The following RABGAP1L variants were observed in gnomAD, a reference collection of about 807,000 sequenced individuals.
RABGAP1L encodes rab GTPase-activating protein 1-like.
RABGAP1L carries 63 observed loss-of-function variants against 137.7 expected under a neutral mutation model. The observed-to-expected ratio is 0.46, with a 90% confidence interval of 0.37 to 0.56. The LOEUF (loss-of-function observed/expected upper bound fraction) is 0.56. Ranked by LOEUF, RABGAP1L falls within the 20% of genes least tolerant of loss-of-function variation. RABGAP1L has a pLI of 0.00. For synonymous variants in RABGAP1L, 431 were observed against 433.7 expected, an observed-to-expected ratio of 0.99 and a Z score of 0.08; for missense variants, 1,095 against 1,244.0, an observed-to-expected ratio of 0.88 and a Z score of 1.80.
chr1:174,160,476 C>G (rs538278496), intron 1 of RABGAP1L, among the ~76,000 whole-genome samples: 130 of 152,240 alleles, frequency 8.5e-4, no homozygotes, highest in Non-Finnish European at 1.3e-3. Context: ...GCAGTGTGTC[C>G]AGGTCCTTGG....
intron 11 of RABGAP1L, among the ~76,000 whole-genome samples, chr1:174,308,703 T>C (rs1156550556): frequency 2.0e-5 from 3 of 152,074 alleles, no homozygotes; most frequent in African/African-American, 7.2e-5. Context: ...CATGGAATTA[T>C]TTCTGTTCTG....
intron 5 of RABGAP1L, chr1:174,244,444 A>G (rs1243305985): frequency 2.6e-5 from 4 of 152,236 alleles, no homozygotes; most frequent in Non-Finnish European, 5.9e-5. Context: ...GTAGAAGGGA[A>G]TCCCAGTGAG....
At chr1:174,939,495 G>T (rs985228582) in intron 19 of RABGAP1L, among the ~76,000 whole-genome samples, 2 of 150,874 alleles carry the variant, frequency 1.3e-5, no homozygotes, top group Non-Finnish European at 2.9e-5. Context: ...AGCGGAGGTT[G>T]CAGTAAGCTG....
At chr1:174,661,143 T>C (rs1676341800) in intron 14 of RABGAP1L, among the ~76,000 whole-genome samples, 2 of 152,186 alleles carry the variant, frequency 1.3e-5, no homozygotes, top group Non-Finnish European at 2.9e-5. Flanking sequence ...AGAAAACTTT[T>C]AAGTAAATTT....
intron 1 of RABGAP1L, among the ~76,000 whole-genome samples, chr1:174,177,483 A>G (rs979220697): frequency 2.0e-5 from 3 of 152,180 alleles, no homozygotes; most frequent in African/African-American, 7.2e-5. Context: ...TCTTTAGCTT[A>G]ATTAGATCCC....
rs755374086 is a variant in RABGAP1L at position 174,371,010 on chromosome 1, T to C, written c.1497T>C (p.Gly499=). 6.7e-7 allele frequency: 1 copy of C among 1,496,916 alleles called. No individual in the cohort carries two copies. Among genetic ancestry groups the C allele is most frequent in the South Asian group, 1.5e-5 (1 of 68,194 alleles). The allele number at this position is 1,496,916 out of a possible 1,614,324, so 92.7% of individuals were successfully genotyped here. A position where few individuals can be genotyped will look rare whatever the true frequency, so the allele number is the denominator to read the frequency against. Residue 499 remains glycine, a synonymous_variant, in exon 12 of 26, where the codon GGT becomes GGC. Transcript: ENST00000681986. Reference sequence around the variant, plus strand: ...ATAATGAACTCTCAAGTGGAACAGGTGATGTGTCTAAGGATTGTCCTGAGA... The same window carrying C: ...ATAATGAACTCTCAAGTGGAACAGGCGATGTGTCTAAGGATTGTCCTGAGA... ...ESDNELSSGT[G]DVSKDCPEKI...
intron 19 of RABGAP1L, among the ~76,000 whole-genome samples, chr1:174,903,081 T>C (rs1220982257): frequency 2.0e-5 from 3 of 152,238 alleles, no homozygotes; most frequent in African/African-American, 7.2e-5. Flanking sequence ...TTTTCCATTG[T>C]GTGCATCTTC....
chr1:174,476,498 A>G (rs964436243), intron 13 of RABGAP1L, among the ~76,000 whole-genome samples: 1 of 152,200 alleles, frequency 6.6e-6, no homozygotes, highest in African/African-American at 2.4e-5. Context: ...CTTTAATATT[A>G]TGTTATTCAG....
intron 19 of RABGAP1L, among the ~76,000 whole-genome samples, chr1:174,870,836 C>T (rs1273401444): frequency 6.6e-6 from 1 of 150,796 alleles, no homozygotes; most frequent in Non-Finnish European, 1.5e-5. Context: ...CTTCCAGGCT[C>T]ACGCCATTCT....
chr1:174,251,106 C>G (rs1234109978), intron 6 of RABGAP1L, among the ~76,000 whole-genome samples: 4 of 152,154 alleles, frequency 2.6e-5, no homozygotes, highest in Non-Finnish European at 4.4e-5. Flanking sequence ...TGGTCAGATA[C>G]TTATTTTCTT....
chr1:174,498,311 T>G (rs1344144233), intron 13 of RABGAP1L, among the ~76,000 whole-genome samples: 1 of 152,184 alleles, frequency 6.6e-6, no homozygotes, highest in African/African-American at 2.4e-5. Context: ...GTTTGTAATA[T>G]TCACATATTG....
chr1:174,492,569 C>T (rs569217919), intron 13 of RABGAP1L, among the ~76,000 whole-genome samples: 10 of 152,070 alleles, frequency 6.6e-5, no homozygotes, highest in East Asian at 1.9e-4. Context: ...AGGCTGGTCT[C>T]GAACTCCTGA....
At chr1:174,498,477 A>G (rs577040704) in intron 13 of RABGAP1L, among the ~76,000 whole-genome samples, 25 of 152,064 alleles carry the variant, frequency 1.6e-4, no homozygotes, top group African/African-American at 5.1e-4. Flanking sequence ...CTGAAACAAA[A>G]CGTTATTTTA....
chr1:174,988,555 G>A, intron 24 of RABGAP1L, 86 bp from the exon 25 acceptor site: 1 of 1,162,392 alleles, frequency 8.6e-7, no homozygotes, highest in Non-Finnish European at 1.2e-6. Flanking sequence ...ACAATAAGCA[G>A]CATCTAAAAA....
intron 13 of RABGAP1L, among the ~76,000 whole-genome samples, chr1:174,539,822 T>A (rs1032502788): frequency 1.3e-5 from 2 of 152,258 alleles, no homozygotes; most frequent in Non-Finnish European, 2.9e-5. Context: ...ATGGGATGTC[T>A]GGGTCAAATG....
intron 13 of RABGAP1L, among the ~76,000 whole-genome samples, chr1:174,482,824 T>C (rs1347026168): frequency 3.3e-5 from 5 of 152,194 alleles, no homozygotes; most frequent in Admixed American, 3.3e-4. Flanking sequence ...TGATTTCTTT[T>C]TATTTGAGCT....
chr1:174,833,408 G>GTGTGTGTGTGTATA (rs754029582), intron 19 of RABGAP1L, among the ~76,000 whole-genome samples: 5 of 67,614 alleles, frequency 7.4e-5, no homozygotes, highest in East Asian at 8.0e-4. Flanking sequence ...GTGTATGTGT[G>GTGTGTGTGTGTATA]TATGTGTGTG....
intron 19 of RABGAP1L, among the ~76,000 whole-genome samples, chr1:174,815,691 C>T (rs1005515303): frequency 3.9e-5 from 6 of 152,170 alleles, no homozygotes; most frequent in African/African-American, 1.4e-4. Context: ...GTTAATAAAG[C>T]ACATTAGATT....
chr1:174,779,770 GAAC>G (rs1207300831), intron 18 of RABGAP1L, among the ~76,000 whole-genome samples: 1 of 152,048 alleles, frequency 6.6e-6, no homozygotes, highest in Non-Finnish European at 1.5e-5. Flanking sequence ...TATGTATACT[GAAC>G]TCCTTTCTTT....
Sources: allele counts gnomAD v4.1 joint callset (sites outside exome capture counted in the v4.1 genomes callset), GRCh38; gene constraint gnomAD v4.1.1; transcripts MANE v1.5; gene names NCBI Gene and HGNC (gene_info 2026-07-23, HGNC 2026-07-21).